Variants in DIO1 observed in about 807,000 individuals in gnomAD.
The protein encoded by DIO1 is iodothyronine deiodinase 1, also known as type I iodothyronine deiodinase.
In DIO1, 17 loss-of-function variants were observed where a neutral mutation model predicts 25.9. The observed-to-expected ratio is 0.66, with a 90% CI of 0.45 to 0.98. The LOEUF (loss-of-function observed/expected upper bound fraction) is 0.98, where lower values mean the gene tolerates loss of function less well. DIO1 is among the 50% of genes least tolerant of loss of function. DIO1 has a pLI of 0.00. For synonymous variants in DIO1, 115 were observed against 114.0 expected, an observed-to-expected ratio of 1.01 and a Z score of -0.05; for missense variants, 270 against 310.4, an observed-to-expected ratio of 0.87 and a Z score of 0.98.
At chr1:53,909,362 A>G (rs1367697881) in intron 3 of DIO1, among the ~76,000 whole-genome samples, 1 of 150,676 alleles carries the variant, frequency 6.6e-6, no homozygotes, top group East Asian at 2.0e-4. Context: ...GTTGCAGTGA[A>G]TCAAGATTGC....
chr1:53,894,569 T>G lies in DIO1; in HGVS notation c.337+22T>G. 1 of 1,591,942 alleles carries G rather than the reference T, an allele frequency of 6.3e-7. No homozygotes were observed. The highest frequency in any genetic ancestry group is 8.6e-7 in the Non-Finnish European group (1 of 1,167,024). ...CAAGGTCAGGAGGCTGCCACACACTTGAGGGGTGCTTGAAATAGCAGTGGT... is the reference window on the plus strand; with the variant it reads ...CAAGGTCAGGAGGCTGCCACACACTGGAGGGGTGCTTGAAATAGCAGTGGT... On this transcript the variant is annotated intron_variant, in intron 1 of 3. Transcript: ENST00000361921. This position sits in a 1 kb window ranked among gnomAD's most constrained non-coding sequence, Gnocchi z 4.9.
rs781572630 is a variant in DIO1 at position 53,894,244 on chromosome 1, A to G, written c.34A>G (p.Arg12Gly). The change falls in exon 1 of 4, where the codon AGG becomes GGG. Residue 12 changes from arginine to glycine, a missense_variant. Coordinates refer to ENST00000361921, the MANE Select transcript of DIO1 (RefSeq NM_000792.7). This position sits in a 1 kb window ranked among gnomAD's most constrained non-coding sequence, Gnocchi z 4.9. ...GCCCCAGCCAGGGCTGTGGCTGAAG[A>G]GGCTCTGGGTGCTCTTGGAGGTGGC... is the stretch of plus-strand genomic sequence containing the variant. Reference protein sequence around the residue: ...GLPQPGLWLKRLWVLLEVAVH... With the variant: ...GLPQPGLWLKGLWVLLEVAVH... 3.7e-5 allele frequency: 59 copies of G among 1,613,980 alleles called. No individual in the cohort carries two copies. Among genetic ancestry groups the G allele is most frequent in the Non-Finnish European group, 4.7e-5 (56 of 1,179,956 alleles).
intron 1 of DIO1, chr1:53,903,161 G>A (rs1348476519): frequency 6.6e-6 from 1 of 152,010 alleles, no homozygotes; most frequent in Non-Finnish European, 1.5e-5. Flanking sequence ...ACGTCCCCCA[G>A]TGTTGCATGG....
Position 53,910,313 on chromosome 1 carries a change from A to G in DIO1, c.*314A>G, listed in dbSNP as rs1336625382. The G allele has an allele frequency of 2.8e-6, 1 of 356,770 alleles. No individual in the cohort carries two copies. Among genetic ancestry groups the G allele is most frequent in the African/African-American group, 2.1e-5 (1 of 48,514 alleles). The allele number at this position is 356,770 out of a possible 1,614,324, so 22.1% of individuals were successfully genotyped here. On this transcript the variant is annotated 3_prime_UTR_variant, in exon 4 of 4. Transcript: ENST00000361921. ...ACTTTGGAGACCACATTCCCTGCAC[A>G]CGGTCTTTGAGAGAGCAGTTGCACT...
rs755891659 is a variant in DIO1, at chr1:53,904,753, A to T, written c.425A>T (p.Asp142Val). ...KFDQFKRLIE[D>V]FSSIADFLVI... ...GACCAGTTCAAGAGGCTTATTGAAG[A>T]CTTTAGTTCCATAGCAGATTTTCTT... Residue 142 changes from aspartate to valine, a missense_variant, in exon 2 of 4, where the codon GAC becomes GTC. Coordinates refer to ENST00000361921, the MANE Select transcript of DIO1 (RefSeq NM_000792.7). The T allele has an allele frequency of 2.5e-6, 4 of 1,613,644 alleles. No homozygotes were observed. The Admixed American group carries it at 5.0e-5, about 20-fold the overall frequency.
At chr1:53,904,545 A>T (rs1651541632) in intron 1 of DIO1, 121 bp from the exon 2 acceptor site, 1 of 1,290,946 alleles carries the variant, frequency 7.7e-7, no homozygotes, top group East Asian at 2.4e-5. Flanking sequence ...CCTAGGACCC[A>T]TCCTGGGGTG....
intron 1 of DIO1, among the ~76,000 whole-genome samples, chr1:53,899,744 C>T (rs1301592119): frequency 2.0e-5 from 3 of 152,164 alleles, no homozygotes; most frequent in African/African-American, 4.8e-5. Flanking sequence ...ATGGCACGAT[C>T]GTAGCTCACA....
intron 3 of DIO1, 124 bp downstream of exon 3, chr1:53,906,418 G>A (rs981943131): frequency 2.5e-6 from 2 of 807,314 alleles, no homozygotes; most frequent in Admixed American, 2.8e-5. Flanking sequence ...TACCAGCCAT[G>A]TGACCATGGG....
chr1:53,894,662 C>A lies in DIO1; in HGVS notation c.337+115C>A. 2.2e-6 allele frequency: 2 copies of A among 928,334 alleles called. No homozygotes were observed. Among genetic ancestry groups the A allele is most frequent in the Non-Finnish European group, 3.2e-6 (2 of 633,226 alleles). 57.5% of individuals were successfully genotyped at this position (928,334 alleles called of 1,614,324 possible). A position where few individuals can be genotyped will look rare whatever the true frequency, so the allele number is the denominator to read the frequency against. On this transcript the variant is annotated intron_variant, in intron 1 of 3. Coordinates refer to ENST00000361921, the MANE Select transcript of DIO1 (RefSeq NM_000792.7). The surrounding 1 kb of genome is among the most constrained non-coding windows in gnomAD (Gnocchi z 4.9). ...TACTACTTTTGCTGCTCCTTTTGGA[C>A]CTTCTTGTCCTCTTCCTGCTTCCTG...
intron 2 of DIO1, 171 bp downstream of exon 2, chr1:53,904,980 TCA>T (rs1651574569): frequency 3.2e-6 from 2 of 617,028 alleles, no homozygotes; most frequent in Non-Finnish European, 5.4e-6. Context: ...TGGGCTAACC[TCA>T]CAGTCTGTGC....
At chr1:53,895,864 C>T (rs1202283116) in intron 1 of DIO1, among the ~76,000 whole-genome samples, 1 of 152,198 alleles carries the variant, frequency 6.6e-6, no homozygotes, top group Non-Finnish European at 1.5e-5. Flanking sequence ...TGCCCTTCCC[C>T]TCTCCATCGT....
chr1:53,906,417 T>A lies in DIO1; in HGVS notation c.681+123T>A, dbSNP rs553059710. 44 of 826,962 alleles carry A rather than the reference T, an allele frequency of 5.3e-5. 2 individuals carry two copies. The South Asian group carries it at 7.4e-4, about 14-fold the overall frequency. 51.2% of individuals were successfully genotyped at this position (826,962 alleles called of 1,614,324 possible). A position where few individuals can be genotyped will look rare whatever the true frequency, so the allele number is the denominator to read the frequency against. Reference sequence around the variant, plus strand: ...TCACCACCCAGCCACTTACCAGCCATGTGACCATGGGCGAGTGCTTTCACT... The same window carrying A: ...TCACCACCCAGCCACTTACCAGCCAAGTGACCATGGGCGAGTGCTTTCACT... On this transcript the variant is annotated intron_variant, in intron 3 of 3. Transcript: ENST00000361921.
chr1:53,898,038 T>C (rs1651167727), intron 1 of DIO1, among the ~76,000 whole-genome samples: 1 of 152,104 alleles, frequency 6.6e-6, no homozygotes, highest in Admixed American at 6.5e-5. Flanking sequence ...GCCTCATAAC[T>C]CAGAGTGAGA....
chr1:53,894,653 C>T lies in DIO1; in HGVS notation c.337+106C>T. On this transcript the variant is annotated intron_variant, in intron 1 of 3. Transcript: ENST00000361921. The surrounding 1 kb of genome is among the most constrained non-coding windows in gnomAD (Gnocchi z 4.9). ...GAATTCTCCTACTACTTTTGCTGCT[C>T]CTTTTGGACCTTCTTGTCCTCTTCC... 9.7e-7 allele frequency: 1 copy of T among 1,031,958 alleles called. No homozygotes were observed. The highest frequency in any genetic ancestry group is 1.7e-5 in the South Asian group (1 of 60,230). The allele number at this position is 1,031,958 out of a possible 1,614,324, so 63.9% of individuals were successfully genotyped here.
rs1651882714 is a variant in DIO1 at position 53,910,297 on chromosome 1, A to G, written c.*298A>G. 5.1e-6 allele frequency: 2 copies of G among 391,254 alleles called. No homozygotes were observed. Among genetic ancestry groups the G allele is most frequent in the Admixed American group, 7.1e-5 (2 of 28,172 alleles). 24.2% of individuals were successfully genotyped at this position (391,254 alleles called of 1,614,324 possible). ...GCCTGACACTGCTCCCACTTTGGAG[A>G]CCACATTCCCTGCACACGGTCTTTG... On this transcript the variant is annotated 3_prime_UTR_variant, in exon 4 of 4. Coordinates refer to ENST00000361921, the MANE Select transcript of DIO1 (RefSeq NM_000792.7).
At chr1:53,897,086 G>C (rs1651115279) in intron 1 of DIO1, among the ~76,000 whole-genome samples, 1 of 152,370 alleles carries the variant, frequency 6.6e-6, no homozygotes, top group Middle Eastern at 3.4e-3. Flanking sequence ...CTGCAGTTCA[G>C]TTCCCTGAAA....
chr1:53,905,925 T>C (rs1217701161), intron 2 of DIO1, among the ~76,000 whole-genome samples, 170 bp from the exon 3 acceptor site: 2 of 152,230 alleles, frequency 1.3e-5, no homozygotes, highest in African/African-American at 4.8e-5. Flanking sequence ...CAGTTCTGGA[T>C]CAATCACTAA....
chr1:53,908,861 C>T (rs981437960), intron 3 of DIO1, among the ~76,000 whole-genome samples: 5 of 151,858 alleles, frequency 3.3e-5, no homozygotes, highest in Admixed American at 6.6e-5. Context: ...GGAGGCTGAG[C>T]CGGGCAGATC....
chr1:53,901,040 G>T (rs1368787475), intron 1 of DIO1, among the ~76,000 whole-genome samples: 1 of 124,354 alleles, frequency 8.0e-6, no homozygotes, highest in Non-Finnish European at 1.6e-5. Flanking sequence ...GTGTTGCCCA[G>T]GGTGGTCTTG....
Sources: gnomAD v4.1 joint callset for allele counts (sites outside exome capture counted in the v4.1 genomes callset) on GRCh38, gnomAD v4.1.1 for gene constraint, Gnocchi (gnomAD v3.1) non-coding constraint, MANE v1.5 for transcripts, NCBI Gene and HGNC (gene_info 2026-07-23, HGNC 2026-07-21) for gene names.